The following ACYP2 variants were observed in gnomAD, a reference collection of about 807,000 sequenced individuals.
ACYP2 encodes the protein acylphosphatase 2, also known as acylphosphatase-2.
In ACYP2, 12 loss-of-function variants were observed where a neutral mutation model predicts 11.2. The observed-to-expected ratio is 1.08, with a 90% confidence interval of 0.69 to 1.74. The LOEUF (loss-of-function observed/expected upper bound fraction) is 1.74, where lower values mean the gene tolerates loss of function less well. Among genes scored for constraint, ACYP2 ranks in the 40% most tolerant of loss-of-function variants. The pLI, the probability that ACYP2 is intolerant of heterozygous loss-of-function variation, is 0.00. For synonymous variants in ACYP2, 43 were observed against 32.2 expected (o/e 1.33, Z -1.13); for missense variants, 134 against 101.9 (o/e 1.31, Z -1.35).
chr2:54,132,604 G>A (rs1249563036), intron 4 of ACYP2, among the ~76,000 whole-genome samples: 1 of 152,088 alleles, frequency 6.6e-6, no homozygotes, highest in African/African-American at 2.4e-5. Context: ...GCTGTATGTA[G>A]AATCAATACC....
At chr2:54,215,936 C>A (rs1208937621) in intron 6 of ACYP2, among the ~76,000 whole-genome samples, 2 of 152,146 alleles carry the variant, frequency 1.3e-5, no homozygotes, top group Admixed American at 6.6e-5. Flanking sequence ...TGAGTCCAAT[C>A]TGTCAGTCTT....
chr2:54,109,818 T>C (rs1428039970), intron 4 of ACYP2, among the ~76,000 whole-genome samples: 1 of 152,142 alleles, frequency 6.6e-6, no homozygotes, highest in Non-Finnish European at 1.5e-5. Flanking sequence ...TAATAAATAG[T>C]ATTTTCTACC....
At chr2:54,263,574 T>C (rs1450531558) in intron 6 of ACYP2, among the ~76,000 whole-genome samples, 1 of 152,180 alleles carries the variant, frequency 6.6e-6, no homozygotes, top group East Asian at 1.9e-4. Context: ...CAGTGAGTTA[T>C]GATTGCCACT....
At chr2:54,150,194 A>T (rs781388116) in intron 6 of ACYP2, among the ~76,000 whole-genome samples, 1 of 152,212 alleles carries the variant, frequency 6.6e-6, no homozygotes, top group Non-Finnish European at 1.5e-5. Context: ...TTTGGCTATG[A>T]CTGCTTTTGT....
At chr2:54,082,242 C>G (rs867028012) in intron 4 of ACYP2, among the ~76,000 whole-genome samples, 3 of 147,838 alleles carry the variant, frequency 2.0e-5, no homozygotes, top group Middle Eastern at 3.2e-3. Flanking sequence ...ATATATAGCT[C>G]TTTTTTTTTT....
chr2:53,994,377 G>A (rs1672459726), intron 2 of ACYP2, among the ~76,000 whole-genome samples: 1 of 148,836 alleles, frequency 6.7e-6, no homozygotes, highest in Non-Finnish European at 1.5e-5. Context: ...ATATTAGCCA[G>A]GCATGGTGGC....
intron 6 of ACYP2, among the ~76,000 whole-genome samples, chr2:54,240,882 C>T (rs1195248200): frequency 6.6e-6 from 1 of 152,188 alleles, no homozygotes; most frequent in Non-Finnish European, 1.5e-5. Context: ...TAATCCAGAT[C>T]TTGTACTTTA....
intron 2 of ACYP2, among the ~76,000 whole-genome samples, chr2:54,016,452 A>G (rs1673686488): frequency 6.6e-6 from 1 of 151,886 alleles, no homozygotes; most frequent in Admixed American, 6.6e-5. Flanking sequence ...GAGAAACTGG[A>G]AGCAATGTGC....
intron 6 of ACYP2, among the ~76,000 whole-genome samples, chr2:54,219,138 G>C (rs1685677519): frequency 6.6e-6 from 1 of 152,172 alleles, no homozygotes; most frequent in African/African-American, 2.4e-5. Flanking sequence ...CATATGCACA[G>C]CTGGACAGTA....
intron 6 of ACYP2, among the ~76,000 whole-genome samples, chr2:54,286,134 C>T (rs1689069422): frequency 1.3e-5 from 2 of 150,110 alleles, no homozygotes. Context: ...TGCTCAGGGC[C>T]AGGCGCAGTG....
At chr2:54,052,958 A>G (rs906966265) in intron 3 of ACYP2, among the ~76,000 whole-genome samples, 2 of 152,240 alleles carry the variant, frequency 1.3e-5, no homozygotes, top group Non-Finnish European at 2.9e-5. Flanking sequence ...TGACTCATCT[A>G]TTAAAACATA....
chr2:54,277,959 C>G lies in ACYP2; in HGVS notation c.405-26729C>G, dbSNP rs574336309. ...TCCCCAAGTCTCCAACTACTATGCA[C>G]ATTTTAATTAATTAATTTATTTATT... On this transcript the variant is annotated intron_variant, in intron 6 of 6. Coordinates refer to ENST00000607452, the MANE Select transcript of ACYP2 (RefSeq NM_001320586.2). 2.1e-3 allele frequency among the ~76,000 whole-genome samples: 322 copies of G among 152,154 alleles called. 1 individual carries two copies. The highest frequency in any genetic ancestry group is 7.3e-3 in the African/African-American group (303 of 41,494).
At chr2:54,254,695 G>A (rs1687405242) in intron 6 of ACYP2, 3 of 540,194 alleles carry the variant, frequency 5.6e-6, no homozygotes, top group East Asian at 2.9e-5. Flanking sequence ...CATCGGCTGG[G>A]AGCATGTGAT....
intron 2 of ACYP2, among the ~76,000 whole-genome samples, chr2:53,976,143 G>C (rs1671472903): frequency 6.6e-6 from 1 of 152,196 alleles, no homozygotes; most frequent in Non-Finnish European, 1.5e-5. Context: ...AGTTTTCTCT[G>C]TATATATGAT....
intron 6 of ACYP2, among the ~76,000 whole-genome samples, chr2:54,196,711 G>A (rs114544693): frequency 1.7e-3 from 255 of 151,752 alleles, no homozygotes; most frequent in African/African-American, 5.9e-3. Flanking sequence ...GTTGCAACTA[G>A]CAACCCCCAG....
At chr2:54,088,099 G>A (rs1000512564) in intron 4 of ACYP2, among the ~76,000 whole-genome samples, 4 of 152,080 alleles carry the variant, frequency 2.6e-5, no homozygotes, top group East Asian at 1.9e-4. Context: ...GTGGACTGGC[G>A]TCTAACTCCT....
rs532089782 is a variant in ACYP2 at position 54,078,279 on chromosome 2, G to A, written c.277+20919G>A. ...GCATTTTCTGTCTCATCTCTGACAC[G>A]GGGAAGTGTGCTGATGCTAGGAAGA... is the stretch of plus-strand genomic sequence containing the variant. On this transcript the variant is annotated intron_variant, in intron 4 of 6. Transcript: ENST00000607452. Among the ~76,000 whole-genome samples, 5 of 151,756 alleles carry A rather than the reference G, an allele frequency of 3.3e-5. No individual in the cohort carries two copies. In the East Asian group the frequency reaches 7.8e-4, roughly 24 times the overall value.
chr2:54,163,855 T>C (rs773165640), intron 6 of ACYP2, among the ~76,000 whole-genome samples: 11 of 150,740 alleles, frequency 7.3e-5, no homozygotes, highest in Non-Finnish European at 1.0e-4. Context: ...AAACTCTGTC[T>C]CAAAAAAAAA....
intron 6 of ACYP2, among the ~76,000 whole-genome samples, chr2:54,289,983 T>C (rs1689230346): frequency 6.6e-6 from 1 of 152,070 alleles, no homozygotes; most frequent in African/African-American, 2.4e-5. Flanking sequence ...TGCTTCTGCT[T>C]TTCCATCTAG....
Sources: allele counts gnomAD v4.1 joint callset (sites outside exome capture counted in the v4.1 genomes callset), GRCh38; gene constraint gnomAD v4.1.1; transcripts MANE v1.5; gene names NCBI Gene and HGNC (gene_info 2026-07-23, HGNC 2026-07-21).